DNAH11: variants seen among roughly 807,000 people sequenced by gnomAD.
The protein encoded by DNAH11 is dynein axonemal heavy chain 11, also known as axonemal beta dynein heavy chain 11.
In DNAH11, 442 loss-of-function variants were observed where a neutral mutation model predicts 526.0. The ratio of observed to expected loss-of-function variants is 0.84; its 90% CI spans 0.78 to 0.91. The LOEUF is 0.91. DNAH11 is among the 40% of genes least tolerant of loss of function. DNAH11 has a pLI of 0.00. For missense variants in DNAH11, 6,989 were observed against 5,448.7 expected, an observed-to-expected ratio of 1.28 and a Z score of -8.90; for synonymous variants, 2,461 against 1,935.9, an observed-to-expected ratio of 1.27 and a Z score of -7.12.
intron 35 of DNAH11, among the ~76,000 whole-genome samples, chr7:21,697,774 T>G (rs1453148168): frequency 6.6e-6 from 1 of 152,138 alleles, no homozygotes; most frequent in African/African-American, 2.4e-5. Context: ...CAAAACATCA[T>G]TATTCCTCTT....
At chr7:21,881,521 A>T (rs1388095248) in intron 75 of DNAH11, among the ~76,000 whole-genome samples, 1 of 152,190 alleles carries the variant, frequency 6.6e-6, no homozygotes, top group Non-Finnish European at 1.5e-5. Flanking sequence ...TCATAAACCC[A>T]ATGATTGGAT....
chr7:21,591,722 G>C, intron 14 of DNAH11, 145 bp downstream of exon 14: 1 of 809,496 alleles, frequency 1.2e-6, no homozygotes, highest in Non-Finnish European at 1.7e-6. Context: ...TAAAGTGGAG[G>C]AATTTGTGTT....
intron 70 of DNAH11, among the ~76,000 whole-genome samples, chr7:21,865,097 C>G (rs1205286262): frequency 7.0e-6 from 1 of 143,282 alleles, no homozygotes; most frequent in Non-Finnish European, 1.5e-5. Context: ...TTAAGAAAAA[C>G]AGAATATTTT....
At chr7:21,849,011 G>A (rs1007190465) in intron 66 of DNAH11, among the ~76,000 whole-genome samples, 5 of 152,114 alleles carry the variant, frequency 3.3e-5, no homozygotes, top group Admixed American at 6.5e-5. Flanking sequence ...TCAGCCTCCC[G>A]AGTAGCTGGG....
At chr7:21,852,023 A>G (rs1221811900) in intron 66 of DNAH11, among the ~76,000 whole-genome samples, 1 of 152,140 alleles carries the variant, frequency 6.6e-6, no homozygotes, top group Non-Finnish European at 1.5e-5. Flanking sequence ...GAATTTCTAA[A>G]AATTGTGATT....
intron 4 of DNAH11, among the ~76,000 whole-genome samples, chr7:21,560,227 C>G (rs1783398678): frequency 1.3e-5 from 2 of 151,984 alleles, no homozygotes; most frequent in African/African-American, 2.4e-5. Context: ...ATTCACATGT[C>G]TTTTGGAGAT....
chr7:21,820,501 G>C (rs569923861), intron 65 of DNAH11, among the ~76,000 whole-genome samples: 2 of 152,166 alleles, frequency 1.3e-5, no homozygotes, highest in Non-Finnish European at 2.9e-5. Flanking sequence ...ATCCTGGACA[G>C]AGAGCCCTAA....
intron 26 of DNAH11, among the ~76,000 whole-genome samples, chr7:21,636,335 G>T (rs1786862509): frequency 1.3e-5 from 2 of 152,076 alleles, no homozygotes; most frequent in South Asian, 4.2e-4. Flanking sequence ...ATAAACAAAT[G>T]GATATGGTTA....
chr7:21,733,692 A>G (rs1785486410), intron 45 of DNAH11, among the ~76,000 whole-genome samples: 1 of 152,216 alleles, frequency 6.6e-6, no homozygotes, highest in South Asian at 2.1e-4. Flanking sequence ...AATTAACAGC[A>G]TCTTAATATA....
intron 66 of DNAH11, among the ~76,000 whole-genome samples, chr7:21,848,846 C>T (rs1409214681): frequency 6.6e-6 from 1 of 151,976 alleles, no homozygotes; most frequent in African/African-American, 2.4e-5. Context: ...GTTACCTTAG[C>T]ATTTGCAATA....
intron 75 of DNAH11, among the ~76,000 whole-genome samples, chr7:21,881,151 T>C (rs1783911075): frequency 1.3e-5 from 2 of 152,186 alleles, no homozygotes; most frequent in South Asian, 4.1e-4. Context: ...TGTCCTTCAT[T>C]ATGTTAACAA....
intron 18 of DNAH11, 119 bp from the exon 19 acceptor site, chr7:21,606,307 A>T: frequency 1.2e-6 from 1 of 834,684 alleles, no homozygotes; most frequent in Non-Finnish European, 1.9e-6. Flanking sequence ...TAGGGGATAG[A>T]GCCAGACCTT....
chr7:21,550,050 C>G (rs1023189097), intron 2 of DNAH11, among the ~76,000 whole-genome samples: 1 of 152,172 alleles, frequency 6.6e-6, no homozygotes, highest in African/African-American at 2.4e-5. Flanking sequence ...AAAATGGAGC[C>G]AGCCCATGTT....
chr7:21,790,519 T>C (rs534907104), intron 61 of DNAH11, among the ~76,000 whole-genome samples: 1 of 152,360 alleles, frequency 6.6e-6, no homozygotes, highest in South Asian at 2.1e-4. Context: ...CTACTGTTTT[T>C]ACAAATATGT....
intron 65 of DNAH11, among the ~76,000 whole-genome samples, chr7:21,825,126 T>C (rs1790222695): frequency 6.6e-6 from 1 of 152,084 alleles, no homozygotes; most frequent in South Asian, 2.1e-4. Flanking sequence ...CCACCTTGGC[T>C]TCCTAAAGTG....
intron 25 of DNAH11, among the ~76,000 whole-genome samples, chr7:21,628,614 C>T (rs923656928): frequency 2.3e-4 from 35 of 152,146 alleles, no homozygotes; most frequent in African/African-American, 8.0e-4. Context: ...ATAAGTTAAA[C>T]TGTCCTTCTA....
chr7:21,715,433 A>G (rs1784619973), intron 42 of DNAH11, among the ~76,000 whole-genome samples: 2 of 152,214 alleles, frequency 1.3e-5, no homozygotes, highest in African/African-American at 4.8e-5. Flanking sequence ...GCATATTGCC[A>G]TTAAGATGAT....
chr7:21,759,365 A>G (rs764817298), intron 54 of DNAH11, among the ~76,000 whole-genome samples: 6 of 152,246 alleles, frequency 3.9e-5, no homozygotes, highest in African/African-American at 1.4e-4. Context: ...AGGGAAATAA[A>G]TAAGAAAATG....
rs754636707 is a variant in DNAH11, at chr7:21,801,261, A to C, written c.10151A>C (p.Lys3384Thr). Reference sequence around the variant, plus strand: ...ATCAAATTAGCTAACAGACTTGTCAAGGAACTTGAGGCAAGTTAAACCTTT... The same window carrying C: ...ATCAAATTAGCTAACAGACTTGTCACGGAACTTGAGGCAAGTTAAACCTTT... The part of the protein sequence containing the change: ...KTIKLANRLV[K>T]ELEAKKIRWG... The change falls in exon 62 of 82, where the codon AAG (lysine) becomes ACG (threonine). Residue 3384 changes from lysine to threonine, a missense_variant. Transcript: ENST00000409508. The C allele has an allele frequency of 6.2e-7, 1 of 1,613,922 alleles. No homozygotes were observed. Among genetic ancestry groups the C allele is most frequent in the South Asian group, 1.1e-5 (1 of 91,040 alleles).
Sources: gnomAD v4.1 joint callset for allele counts (sites outside exome capture counted in the v4.1 genomes callset) on GRCh38, gnomAD v4.1.1 for gene constraint, MANE v1.5 for transcripts, NCBI Gene and HGNC (gene_info 2026-07-23, HGNC 2026-07-21) for gene names.